CSGALNACT2: variants seen among roughly 807,000 people sequenced by gnomAD.
CSGALNACT2 encodes the protein beta 4 GalNAcT-2.
A neutral mutation model predicts 55.3 loss-of-function variants in CSGALNACT2; 35 were observed. That is an observed-to-expected ratio of 0.63 (90% CI 0.48 to 0.84). CSGALNACT2 has a LOEUF of 0.84. Ranked by LOEUF, CSGALNACT2 falls within the 40% of genes least tolerant of loss-of-function variation. CSGALNACT2 has a pLI of 0.00. For missense variants in CSGALNACT2, 544 were observed against 657.5 expected (o/e 0.83, Z 1.89); for synonymous variants, 196 against 224.9 (o/e 0.87, Z 1.15).
chr10:43,171,319 G>C (rs2503864), intron 6 of CSGALNACT2, among the ~76,000 whole-genome samples: 9 of 151,950 alleles, frequency 5.9e-5, no homozygotes, highest in Admixed American at 2.0e-4. Flanking sequence ...AGTCAACATA[G>C]AAGCGTGAAG....
In CSGALNACT2 at chr10:43,155,644, C is replaced by T. The variant is rs1221050904; in HGVS notation, c.495C>T (p.Arg165=). The T allele has an allele frequency of 5.6e-6, 9 of 1,614,098 alleles. No homozygotes were observed. Among genetic ancestry groups the T allele is most frequent in the Non-Finnish European group, 6.8e-6 (8 of 1,180,032 alleles). The change falls in exon 2 of 8, where the codon CGC becomes CGT. Residue 165 remains arginine (R), a synonymous_variant. Transcript: ENST00000374466. The stretch of plus-strand genomic sequence containing the variant: ...TTCAATTGGAAATGGGTCTCACTCG[C>T]CATCCTGAAGAAAAGCCAGTTAGAA... ...KVFQLEMGLT[R]HPEEKPVRKD...
At chr10:43,144,177 A>G (rs1353817617) in intron 1 of CSGALNACT2, among the ~76,000 whole-genome samples, 1 of 152,258 alleles carries the variant, frequency 6.6e-6, no homozygotes, top group African/African-American at 2.4e-5. Context: ...AATATGTTTT[A>G]TAATACACTC....
intron 1 of CSGALNACT2, among the ~76,000 whole-genome samples, chr10:43,139,676 C>A (rs2133081894): frequency 6.6e-6 from 1 of 152,282 alleles, no homozygotes; most frequent in Admixed American, 6.5e-5. Context: ...CCTTGTTTTC[C>A]CATCTGTATT....
intron 6 of CSGALNACT2, among the ~76,000 whole-genome samples, chr10:43,174,715 C>A (rs1839446491): frequency 6.6e-6 from 1 of 152,182 alleles, no homozygotes; most frequent in East Asian, 1.9e-4. Flanking sequence ...AGCTTCCCAT[C>A]CCTAGTTATA....
chr10:43,160,494 G>T lies in CSGALNACT2; in HGVS notation c.879G>T (p.Arg293Ser). The T allele has an allele frequency of 6.8e-7, 1 of 1,480,702 alleles. No individual in the cohort carries two copies. Among genetic ancestry groups the T allele is most frequent in the South Asian group, 1.2e-5 (1 of 85,560 alleles). The allele number at this position is 1,480,702 out of a possible 1,614,324, so 91.7% of individuals were successfully genotyped here. Residue 293 changes from arginine (R) to serine (S), a missense_variant and splice_region_variant, in exon 4 of 8, where the codon AGG (arginine) becomes AGT (serine). Physicochemically the swap from Arg to Ser is moderately radical, Grantham distance 110. Transcript: ENST00000374466. ...AACTTTTATTTTTCACTTCTGTTAG[G>T]GATGTTTGTATTCATCAAGACAAGA... is the stretch of plus-strand genomic sequence containing the variant. ...EAFVQFMQNF[R>S]DVCIHQDKKI... is the part of the protein sequence containing the mutation.
intron 1 of CSGALNACT2, among the ~76,000 whole-genome samples, chr10:43,154,299 A>G (rs1838946598): frequency 6.6e-6 from 1 of 152,288 alleles, no homozygotes; most frequent in African/African-American, 2.4e-5. Flanking sequence ...TATAATTTTC[A>G]AATAATTAGA....
At chr10:43,180,603 C>G (rs1346994087) in intron 7 of CSGALNACT2, among the ~76,000 whole-genome samples, 3 of 152,210 alleles carry the variant, frequency 2.0e-5, no homozygotes, top group Non-Finnish European at 4.4e-5. Context: ...GAATCTGGAT[C>G]TGGTACATGC....
At chr10:43,171,455 C>T (rs146524644) in intron 6 of CSGALNACT2, among the ~76,000 whole-genome samples, 395 of 151,678 alleles carry the variant, frequency 2.6e-3, no homozygotes, top group African/African-American at 8.4e-3. Context: ...CCGTTTCAAG[C>T]GATTCTCCTG....
intron 5 of CSGALNACT2, among the ~76,000 whole-genome samples, chr10:43,164,583 T>C (rs2085276459): frequency 6.6e-6 from 1 of 152,240 alleles, no homozygotes; most frequent in African/African-American, 2.4e-5. Flanking sequence ...GTGCAGGGGC[T>C]CACGCCTATA....
intron 6 of CSGALNACT2, among the ~76,000 whole-genome samples, chr10:43,169,364 A>G (rs917920257): frequency 2.0e-5 from 3 of 152,280 alleles, no homozygotes; most frequent in Non-Finnish European, 4.4e-5. Flanking sequence ...AAATTAACAC[A>G]TGAGTATATG....
At chr10:43,162,255 C>G (rs1324508102) in intron 4 of CSGALNACT2, 1 of 539,844 alleles carries the variant, frequency 1.9e-6, no homozygotes. Context: ...GGGCTCACAT[C>G]TTCTCAGCTT....
intron 6 of CSGALNACT2, among the ~76,000 whole-genome samples, chr10:43,168,045 T>C (rs1433144012): frequency 6.6e-6 from 1 of 152,098 alleles, no homozygotes. Flanking sequence ...ATGAAAACAT[T>C]GAGATAAATC....
At chr10:43,152,093 C>CAT (rs1434128444) in intron 1 of CSGALNACT2, among the ~76,000 whole-genome samples, 1 of 152,160 alleles carries the variant, frequency 6.6e-6, no homozygotes, top group Non-Finnish European at 1.5e-5. Flanking sequence ...CTTCATATTA[C>CAT]ATACCTTTAA....
At chr10:43,145,796 A>G (rs2133093228) in intron 1 of CSGALNACT2, among the ~76,000 whole-genome samples, 1 of 152,270 alleles carries the variant, frequency 6.6e-6, no homozygotes, top group Middle Eastern at 3.4e-3. Flanking sequence ...TATTGCTTAT[A>G]TTTGCAAGGT....
rs959921254 is a variant in CSGALNACT2 at position 43,155,092 on chromosome 10, A to T, written c.-58A>T. ...TGTTTTTAATTTTTGATAACTTTTT[A>T]CTAAAGGTATGAACACACAAAGAGC... On this transcript the variant is annotated 5_prime_UTR_variant, in exon 2 of 8. Transcript: ENST00000374466. 15 of 1,309,490 alleles carry T rather than the reference A, an allele frequency of 1.1e-5. 1 individual carries two copies. The African/African-American group carries it at 1.3e-4, about 12-fold the overall frequency. 81.1% of individuals were successfully genotyped at this position (1,309,490 alleles called of 1,614,324 possible). A position where few individuals can be genotyped will look rare whatever the true frequency, so the allele number is the denominator to read the frequency against.
intron 7 of CSGALNACT2, 93 bp from the exon 8 acceptor site, chr10:43,183,157 C>G (rs979418830): frequency 2.0e-6 from 2 of 994,954 alleles, no homozygotes; most frequent in Admixed American, 2.0e-5. Context: ...CCATCCCATC[C>G]CTTTTGAAGC....
At chr10:43,166,739 C>T (rs1009397521) in intron 5 of CSGALNACT2, among the ~76,000 whole-genome samples, 1 of 152,210 alleles carries the variant, frequency 6.6e-6, no homozygotes, top group Non-Finnish European at 1.5e-5. Context: ...AATGAATACA[C>T]ATCTCCCCAA....
intron 2 of CSGALNACT2, among the ~76,000 whole-genome samples, chr10:43,158,296 T>G (rs1001407545): frequency 2.6e-5 from 4 of 152,160 alleles, no homozygotes; most frequent in Non-Finnish European, 5.9e-5. Flanking sequence ...TGTGGCACTC[T>G]TTGTATCACA....
In CSGALNACT2 at chr10:43,179,035, T is replaced by C. The variant is rs536467557; in HGVS notation, c.1336+3003T>C. ...TAATGAATTTTTATTTCAGTTACTA[T>C]AGTTTTTAACTTCAGAATTTCTATG... On this transcript the variant is annotated intron_variant, in intron 7 of 7. Coordinates refer to ENST00000374466, the MANE Select transcript of CSGALNACT2 (RefSeq NM_018590.5). Among the ~76,000 whole-genome samples the C allele has an allele frequency of 3.3e-4, 50 of 152,302 alleles. 4 individuals carry two copies. The highest frequency in any genetic ancestry group is 1.2e-3 in the African/African-American group (50 of 41,592).
Sources: gnomAD v4.1 joint callset for allele counts (sites outside exome capture counted in the v4.1 genomes callset) on GRCh38, gnomAD v4.1.1 for gene constraint, MANE v1.5 for transcripts, NCBI Gene and HGNC (gene_info 2026-07-23, HGNC 2026-07-21) for gene names.